The following RASSF8 variants were observed in gnomAD, a reference collection of about 807,000 sequenced individuals.
RASSF8 encodes the protein ras association domain-containing protein 8.
RASSF8 carries 22 observed loss-of-function variants against 48.5 expected under a neutral mutation model. The observed-to-expected ratio is 0.45, with a 90% confidence interval of 0.32 to 0.65. The LOEUF (loss-of-function observed/expected upper bound fraction) is 0.65, where lower values mean the gene tolerates loss of function less well. RASSF8 is among the 30% of genes least tolerant of loss of function. RASSF8 has a pLI of 0.03. For synonymous variants in RASSF8, 127 were observed against 171.5 expected, an observed-to-expected ratio of 0.74 and a Z score of 2.03; for missense variants, 418 against 489.2, an observed-to-expected ratio of 0.85 and a Z score of 1.37.
intron 2 of RASSF8, among the ~76,000 whole-genome samples, chr12:26,031,595 A>T (rs1943031908): frequency 1.3e-5 from 2 of 152,162 alleles, no homozygotes; most frequent in African/African-American, 2.4e-5. Context: ...AGGACCTGAG[A>T]TGATAAAGGT....
downstream of RASSF8, among the ~76,000 whole-genome samples, chr12:26,073,849 C>CACACACATAT (rs35014279): frequency 0.014 from 2,083 of 144,160 alleles, 68 homozygotes; most frequent in African/African-American, 0.045. Context: ...CACACACACA[C>CACACACATAT]ATATATATAT....
intron 2 of RASSF8, among the ~76,000 whole-genome samples, chr12:26,028,328 A>G (rs61914244): frequency 0.051 from 7,836 of 152,324 alleles, 259 homozygotes; most frequent in East Asian, 0.12. Flanking sequence ...ATCAAAAGAT[A>G]TGATGATGTG....
chr12:26,027,523 T>C (rs1592282827), intron 2 of RASSF8, among the ~76,000 whole-genome samples: 1 of 152,338 alleles, frequency 6.6e-6, no homozygotes, highest in East Asian at 1.9e-4. Context: ...TAAAGTTAAG[T>C]GTACAAAATG....
At chr12:25,981,874 C>G in intron 1 of RASSF8, among the ~76,000 whole-genome samples, 1 of 152,150 alleles carries the variant, frequency 6.6e-6, no homozygotes, top group East Asian at 1.9e-4. Context: ...TAACTTTAAC[C>G]TGCTCTTAGG....
Position 26,069,194 on chromosome 12 carries a change from G to A in RASSF8, c.*376G>A. 1.0e-6 allele frequency: 1 copy of A among 988,980 alleles called. No individual in the cohort carries two copies. The highest frequency in any genetic ancestry group is 1.2e-6 in the Non-Finnish European group (1 of 831,180). The allele number at this position is 988,980 out of a possible 1,614,324, so 61.3% of individuals were successfully genotyped here. On this transcript the variant is annotated 3_prime_UTR_variant, in exon 6 of 6. Transcript: ENST00000689635. ...TTAATTTATTTCATGTAATCAATGT[G>A]TGAATGTTGATGTTTTAATATTTTT...
Position 26,060,888 on chromosome 12 carries a change from A to G in RASSF8, c.104-3610A>G, listed in dbSNP as rs558299289. Reference sequence around the variant, plus strand: ...CTGAAGATATGTTAGCATTAAATTCATAAGAGATTAGTGCCATTTCTTTGT... The same window carrying G: ...CTGAAGATATGTTAGCATTAAATTCGTAAGAGATTAGTGCCATTTCTTTGT... On this transcript the variant is annotated intron_variant, in intron 3 of 5. Transcript: ENST00000689635. Among the ~76,000 whole-genome samples the G allele has an allele frequency of 5.9e-5, 9 of 152,312 alleles. No homozygotes were observed. The East Asian group carries it at 1.2e-3, about 20-fold the overall frequency.
intron 2 of RASSF8, among the ~76,000 whole-genome samples, chr12:26,039,179 G>A (rs1001100867): frequency 2.6e-5 from 4 of 152,146 alleles, no homozygotes; most frequent in Non-Finnish European, 4.4e-5. Flanking sequence ...AATTCTTAAG[G>A]TAACTTTCAC....
intron 1 of RASSF8, among the ~76,000 whole-genome samples, chr12:25,977,898 T>C (rs1941646749): frequency 1.3e-5 from 2 of 152,216 alleles, no homozygotes; most frequent in African/African-American, 4.8e-5. Flanking sequence ...AAGGTCATTG[T>C]ACCATCTTTC....
chr12:25,988,908 T>A (rs540123393), intron 1 of RASSF8, among the ~76,000 whole-genome samples: 9 of 152,214 alleles, frequency 5.9e-5, no homozygotes, highest in Non-Finnish European at 1.2e-4. Flanking sequence ...GTTCACAACA[T>A]CTGTTTAATT....
At chr12:26,032,683 A>G (rs1261473412) in intron 2 of RASSF8, among the ~76,000 whole-genome samples, 1 of 152,222 alleles carries the variant, frequency 6.6e-6, no homozygotes, top group Non-Finnish European at 1.5e-5. Context: ...GAAAAGAGCT[A>G]GATAGATTTC....
At chr12:25,980,944 A>G (rs1941727262) in intron 1 of RASSF8, among the ~76,000 whole-genome samples, 1 of 152,148 alleles carries the variant, frequency 6.6e-6, no homozygotes, top group Non-Finnish European at 1.5e-5. Context: ...TTATCCTGAA[A>G]CTATGGTTGT....
At chr12:26,055,165 G>A (rs1356956859) in intron 2 of RASSF8, 71 bp from the exon 3 acceptor site, 4 of 597,450 alleles carry the variant, frequency 6.7e-6, no homozygotes, top group Non-Finnish European at 1.2e-5. Context: ...TTTGTTTTGT[G>A]TAATACTTAC....
At chr12:26,049,316 A>G (rs1304198693) in intron 2 of RASSF8, among the ~76,000 whole-genome samples, 1 of 152,242 alleles carries the variant, frequency 6.6e-6, no homozygotes, top group Non-Finnish European at 1.5e-5. Context: ...AATTTTTGAG[A>G]TGAGCCTTTG....
intron 5 of RASSF8, chr12:26,079,003 G>A (rs1489719404): frequency 1.3e-6 from 2 of 1,525,874 alleles, no homozygotes; most frequent in African/African-American, 2.8e-5. Context: ...ACTCTTTTTT[G>A]TTGTTGTGTG....
intron 2 of RASSF8, among the ~76,000 whole-genome samples, chr12:26,025,191 T>G (rs185219621): frequency 1.3e-4 from 20 of 152,226 alleles, no homozygotes; most frequent in Admixed American, 1.1e-3. Context: ...AAGAAGGATT[T>G]CCACCCTTGC....
downstream of RASSF8, among the ~76,000 whole-genome samples, chr12:26,075,065 G>T (rs1156639768): frequency 6.6e-6 from 1 of 152,234 alleles, no homozygotes; most frequent in African/African-American, 2.4e-5. Flanking sequence ...TAGGAGTCCA[G>T]GCCAGAGGTG....
At chr12:25,988,318 G>C (rs1941936725) in intron 1 of RASSF8, among the ~76,000 whole-genome samples, 1 of 152,142 alleles carries the variant, frequency 6.6e-6, no homozygotes, top group South Asian at 2.1e-4. Flanking sequence ...ACTCAAAACT[G>C]TCAGGTCTTT....
chr12:26,038,786 T>TTTA (rs2137146233), intron 2 of RASSF8, among the ~76,000 whole-genome samples: 1 of 152,256 alleles, frequency 6.6e-6, no homozygotes, highest in East Asian at 1.9e-4. Context: ...GACTTTAGTG[T>TTTA]CCTCACAATG....
intron 2 of RASSF8, among the ~76,000 whole-genome samples, chr12:26,049,030 T>G (rs534094486): frequency 6.6e-6 from 1 of 152,338 alleles, no homozygotes; most frequent in Admixed American, 6.5e-5. Flanking sequence ...AGTGCTGGGA[T>G]TACAGGCGTG....
Sources: gnomAD v4.1 joint callset for allele counts (sites outside exome capture counted in the v4.1 genomes callset) on GRCh38, gnomAD v4.1.1 for gene constraint, MANE v1.5 for transcripts, NCBI Gene and HGNC (gene_info 2026-07-23, HGNC 2026-07-21) for gene names.